Variants in EFHC2 observed in about 807,000 individuals in gnomAD.
EFHC2 encodes the protein EF-hand domain-containing family member C2.
Under a neutral mutation model 52.7 loss-of-function variants are expected in EFHC2, and 18 were observed. The observed-to-expected ratio is 0.34, with a 90% CI of 0.24 to 0.51. The LOEUF (loss-of-function observed/expected upper bound fraction) is 0.51, where lower values mean the gene tolerates loss of function less well. Among genes scored for constraint, EFHC2 ranks in the 20% least tolerant of loss-of-function variants. The probability of loss-of-function intolerance (pLI) is 0.97; values close to 1 mark genes in which losing one functional copy is unlikely to be tolerated. For missense variants in EFHC2, 513 were observed against 562.5 expected (o/e 0.91, Z 0.89); for synonymous variants, 203 against 204.1 (o/e 0.99, Z 0.04).
chrX:44,300,920 C>A (rs2037863126), intron 2 of EFHC2, among the ~76,000 whole-genome samples: 1 of 108,721 alleles, frequency 9.2e-6, no homozygotes. Flanking sequence ...ACCATCCTGG[C>A]CAGCACAGTG....
At chrX:44,187,595 T>G (rs192192949) in intron 11 of EFHC2, among the ~76,000 whole-genome samples, 11 of 111,512 alleles carry the variant, frequency 9.9e-5, no homozygotes, top group Admixed American at 3.8e-4. Flanking sequence ...TTGACCAGCT[T>G]AGGCAACATA....
intron 14 of EFHC2, among the ~76,000 whole-genome samples, chrX:44,149,104 T>A (rs2036548892): frequency 8.9e-6 from 1 of 112,301 alleles, no homozygotes; most frequent in African/African-American, 3.2e-5. Flanking sequence ...CATATGACTC[T>A]GTAGAACCTC....
At chrX:44,312,805 C>G in intron 1 of EFHC2, 49 bp from the exon 2 acceptor site, 1 of 1,048,333 alleles carries the variant, frequency 9.5e-7, no homozygotes. Flanking sequence ...CTCTTTATGA[C>G]TTTTCTAACC....
chrX:44,245,136 A>G (rs2037389855), intron 7 of EFHC2, among the ~76,000 whole-genome samples: 1 of 111,813 alleles, frequency 8.9e-6, no homozygotes, highest in Non-Finnish European at 1.9e-5. Flanking sequence ...TGCAATTTTA[A>G]GTGTCCAATT....
intron 2 of EFHC2, chrX:44,284,086 C>G (rs945112235): frequency 1.8e-5 from 2 of 111,802 alleles, no homozygotes; most frequent in African/African-American, 6.5e-5. Context: ...CCTGAAAGGC[C>G]TAAAGGCTAC....
chrX:44,310,513 C>G, intron 2 of EFHC2: 1 of 431,203 alleles, frequency 2.3e-6, no homozygotes, highest in African/African-American at 2.4e-5. Flanking sequence ...GGGGCCGGGA[C>G]CGGGCGGCTG....
chrX:44,311,613 A>T (rs1342914261), intron 2 of EFHC2, among the ~76,000 whole-genome samples: 3 of 112,072 alleles, frequency 2.7e-5, no homozygotes, highest in African/African-American at 9.7e-5. Flanking sequence ...TAGCCTTTTT[A>T]AAAAATATTC....
At chrX:44,221,071 G>A (rs1235475135) in intron 11 of EFHC2, among the ~76,000 whole-genome samples, 1 of 111,715 alleles carries the variant, frequency 9.0e-6, no homozygotes, top group Non-Finnish European at 1.9e-5. Flanking sequence ...TCATTATTGG[G>A]CATCTTTTCA....
chrX:44,280,731 AC>A (rs1486180660), intron 2 of EFHC2, among the ~76,000 whole-genome samples: 1 of 112,050 alleles, frequency 8.9e-6, no homozygotes, highest in Non-Finnish European at 1.9e-5. Context: ...TGTTCATAAT[AC>A]AAAATTACAA....
chrX:44,234,243 CTTG>C, intron 9 of EFHC2, among the ~76,000 whole-genome samples: 1 of 112,209 alleles, frequency 8.9e-6, no homozygotes. Flanking sequence ...TACTAGTAAG[CTTG>C]TTGTTGACTA....
intron 1 of EFHC2, among the ~76,000 whole-genome samples, chrX:44,342,655 T>A (rs1199574688): frequency 1.8e-5 from 2 of 110,392 alleles, no homozygotes; most frequent in Non-Finnish European, 3.8e-5. Context: ...GGCGGGCAGA[T>A]CACTTGAGGT....
Position 44,246,293 on chromosome X carries a change from T to C in EFHC2, c.1111+1979A>G, listed in dbSNP as rs1015850040. Among the ~76,000 whole-genome samples the C allele has an allele frequency of 6.2e-5, 7 of 112,230 alleles. No individual in the cohort carries two copies. The Admixed American group carries it at 6.6e-4, about 11-fold the overall frequency. Reference sequence around the variant, plus strand: ...CTGATTCATTCTCCCCTCCACCTCATCATAGATATAATTTCTAGTCTTTAC... The same window carrying C: ...CTGATTCATTCTCCCCTCCACCTCACCATAGATATAATTTCTAGTCTTTAC... On this transcript the variant is annotated intron_variant, in intron 7 of 14. Transcript: ENST00000420999.
At chrX:44,302,626 T>TG (rs1190620860) in intron 2 of EFHC2, among the ~76,000 whole-genome samples, 1 of 112,547 alleles carries the variant, frequency 8.9e-6, no homozygotes, top group Admixed American at 9.4e-5. Flanking sequence ...ATGACATGGT[T>TG]GATTTCAGGC....
At chrX:44,201,387 A>G (rs964987719) in intron 11 of EFHC2, among the ~76,000 whole-genome samples, 1 of 111,560 alleles carries the variant, frequency 9.0e-6, no homozygotes, top group African/African-American at 3.2e-5. Flanking sequence ...GATAAAAATA[A>G]GAATACAAAT....
intron 4 of EFHC2, among the ~76,000 whole-genome samples, chrX:44,254,959 G>A (rs945555922): frequency 6.3e-5 from 7 of 111,650 alleles, no homozygotes; most frequent in Non-Finnish European, 1.3e-4. Flanking sequence ...AGAGAGTGGG[G>A]GCCAATATTC....
At chrX:44,203,712 C>T (rs2037024374) in intron 11 of EFHC2, among the ~76,000 whole-genome samples, 1 of 111,161 alleles carries the variant, frequency 9.0e-6, no homozygotes, top group South Asian at 3.8e-4. Flanking sequence ...TCAGCCTCCC[C>T]AGTATCTGGA....
At chrX:44,298,148 G>A (rs1488105765) in intron 2 of EFHC2, among the ~76,000 whole-genome samples, 2 of 111,135 alleles carry the variant, frequency 1.8e-5, no homozygotes, top group African/African-American at 6.5e-5. Flanking sequence ...TAAAACCTCT[G>A]AAGGAGGTTA....
At chrX:44,191,760 T>C (rs1024034844) in intron 11 of EFHC2, among the ~76,000 whole-genome samples, 15 of 111,951 alleles carry the variant, frequency 1.3e-4, no homozygotes, top group African/African-American at 4.5e-4. Flanking sequence ...CATTAAGGAT[T>C]TACCATATTT....
Position 44,248,408 on chromosome X carries a change from T to C in EFHC2, c.975A>G (p.Leu325=), listed in dbSNP as rs370264551. Residue 325 remains leucine, a splice_region_variant and synonymous_variant, in exon 7 of 15, where the codon CTA becomes CTG. Transcript: ENST00000420999. ...ADGYLFDRYK[L]GKVDQEFYKD... is the part of the protein sequence containing the mutation. ...TGTAAAACTCTTGGTCTACTTTTCC[T>C]AGCTAAAAAAGACAAAGGAACATAG... is the stretch of plus-strand genomic sequence containing the variant. The C allele has an allele frequency of 2.6e-5, 31 of 1,188,102 alleles. No individual in the cohort carries two copies. In the African/African-American group the frequency reaches 5.1e-4, roughly 20 times the overall value.
Sources: allele counts gnomAD v4.1 joint callset (sites outside exome capture counted in the v4.1 genomes callset), GRCh38; gene constraint gnomAD v4.1.1; transcripts MANE v1.5; gene names NCBI Gene and HGNC (gene_info 2026-07-23, HGNC 2026-07-21).